CTNNA2: variants seen among roughly 807,000 people sequenced by gnomAD.
CTNNA2 encodes catenin alpha 2.
Under a neutral mutation model 101.0 loss-of-function variants are expected in CTNNA2, and 42 were observed. The observed-to-expected ratio is 0.42, with a 90% CI of 0.32 to 0.54. The LOEUF is 0.54. Ranked by LOEUF, CTNNA2 falls within the 20% of genes least tolerant of loss-of-function variation. CTNNA2 has a pLI of 0.14. For missense variants in CTNNA2, 871 were observed against 1,223.1 expected (o/e 0.71, Z 4.29); for synonymous variants, 450 against 456.4 (o/e 0.99, Z 0.18).
chr2:80,145,674 A>C (rs1207630509), intron 7 of CTNNA2, among the ~76,000 whole-genome samples: 1 of 152,234 alleles, frequency 6.6e-6, no homozygotes, highest in African/African-American at 2.4e-5. Context: ...ATCTTGTTTC[A>C]GAAGCCCTGG....
intron 4 of CTNNA2, among the ~76,000 whole-genome samples, chr2:79,861,852 A>G (rs143865689): frequency 3.8e-4 from 58 of 152,348 alleles, no homozygotes; most frequent in African/African-American, 1.4e-3. Flanking sequence ...TTTACATTTC[A>G]GACACCATTT....
chr2:79,535,610 A>T lies in CTNNA2; in HGVS notation c.-6+22403A>T, dbSNP rs539113408. On this transcript the variant is annotated intron_variant, in intron 1 of 18. Transcript: ENST00000402739. ...ATGCCCTTCAAAATCATTTATTCTTATATTTGTCCTTACTATCCCATTGGA... is the reference window on the plus strand; with the variant it reads ...ATGCCCTTCAAAATCATTTATTCTTTTATTTGTCCTTACTATCCCATTGGA... Among the ~76,000 whole-genome samples, 44 of 152,260 alleles carry T rather than the reference A, an allele frequency of 2.9e-4. 1 individual carries two copies. Among genetic ancestry groups the T allele is most frequent in the African/African-American group, 1.0e-3 (43 of 41,570 alleles).
chr2:80,583,988 G>A (rs1695757851), intron 14 of CTNNA2, among the ~76,000 whole-genome samples: 1 of 152,128 alleles, frequency 6.6e-6, no homozygotes, highest in South Asian at 2.1e-4. Flanking sequence ...AGTTGCAGCA[G>A]ACAGCATTAC....
rs1216635447 is a variant in CTNNA2 at position 79,541,190 on chromosome 2, A to G, written c.-6+27983A>G. 2.1e-5 allele frequency among the ~76,000 whole-genome samples: 3 copies of G among 141,222 alleles called. No individual in the cohort carries two copies. In the East Asian group the frequency reaches 6.2e-4, roughly 29 times the overall value. The allele number at this position is 141,222 out of a possible 152,430, so 92.6% of individuals were successfully genotyped here. ...ATAAGTATAAACATATATATTACAC[A>G]TATATATGAGTTTGTGTGTATATAT... is the stretch of plus-strand genomic sequence containing the variant. On this transcript the variant is annotated intron_variant, in intron 1 of 18. Transcript: ENST00000402739.
At chr2:79,620,668 G>A (rs757222004) in intron 1 of CTNNA2, among the ~76,000 whole-genome samples, 1 of 152,162 alleles carries the variant, frequency 6.6e-6, no homozygotes, top group Non-Finnish European at 1.5e-5. Flanking sequence ...CTGGCTAAGG[G>A]AGGTTCTGTT....
intron 2 of CTNNA2, among the ~76,000 whole-genome samples, chr2:79,667,702 T>C (rs1314508706): frequency 3.3e-5 from 5 of 152,246 alleles, no homozygotes; most frequent in Admixed American, 6.5e-5. Context: ...CTTTGTATGC[T>C]AATAGCAGGT....
At chr2:79,908,148 G>T (rs1227128392) in intron 6 of CTNNA2, among the ~76,000 whole-genome samples, 1 of 152,090 alleles carries the variant, frequency 6.6e-6, no homozygotes, top group Non-Finnish European at 1.5e-5. Flanking sequence ...ATCCATAAAA[G>T]CATCTTTTAT....
At chr2:79,734,575 G>C (rs1222410083) in intron 2 of CTNNA2, among the ~76,000 whole-genome samples, 1 of 152,006 alleles carries the variant, frequency 6.6e-6, no homozygotes, top group East Asian at 1.9e-4. Context: ...AAAGGTTTCA[G>C]GAAACTTTAA....
chr2:80,045,962 T>C (rs180847114), intron 7 of CTNNA2, among the ~76,000 whole-genome samples: 3 of 152,262 alleles, frequency 2.0e-5, no homozygotes, highest in Admixed American at 6.5e-5. Flanking sequence ...TCCCGAAAAG[T>C]GAGAGTAGAT....
chr2:79,695,514 A>G (rs1426826760), intron 2 of CTNNA2, among the ~76,000 whole-genome samples: 3 of 152,026 alleles, frequency 2.0e-5, no homozygotes, highest in Non-Finnish European at 4.4e-5. Context: ...GAAAATGCAC[A>G]TGAGCAATTC....
intron 7 of CTNNA2, among the ~76,000 whole-genome samples, chr2:80,384,290 G>A (rs577328260): frequency 3.0e-4 from 45 of 152,004 alleles, no homozygotes; most frequent in African/African-American, 1.1e-3. Flanking sequence ...GCACTGTTTG[G>A]CACACTACCT....
At chr2:80,495,038 T>C (rs1035127332) in intron 9 of CTNNA2, among the ~76,000 whole-genome samples, 1 of 152,182 alleles carries the variant, frequency 6.6e-6, no homozygotes, top group Non-Finnish European at 1.5e-5. Context: ...TTCTACGTGA[T>C]GTTTGGCACC....
At chr2:79,933,458 C>CTTT (rs371498775) in intron 7 of CTNNA2, among the ~76,000 whole-genome samples, 1 of 143,746 alleles carries the variant, frequency 7.0e-6, no homozygotes, top group Non-Finnish European at 1.5e-5. Context: ...CTGGTATTCT[C>CTTT]TTTTTTTTTT....
At chr2:80,107,704 G>A (rs1029224074) in intron 7 of CTNNA2, among the ~76,000 whole-genome samples, 3 of 152,230 alleles carry the variant, frequency 2.0e-5, no homozygotes, top group African/African-American at 7.2e-5. Context: ...CCCACCGGAT[G>A]AGGCAAGGGC....
chr2:80,609,796 G>T, intron 17 of CTNNA2, among the ~76,000 whole-genome samples: 1 of 151,636 alleles, frequency 6.6e-6, no homozygotes, highest in East Asian at 2.0e-4. Flanking sequence ...CATCTTTGTG[G>T]ATCTCAGACT....
intron 1 of CTNNA2, among the ~76,000 whole-genome samples, chr2:79,602,970 A>G (rs1677646864): frequency 6.6e-6 from 1 of 152,184 alleles, no homozygotes; most frequent in Non-Finnish European, 1.5e-5. Context: ...TGAAGTTCAC[A>G]TATTAGTCAA....
At chr2:79,776,895 C>T (rs1293650719) in intron 3 of CTNNA2, 1 of 152,188 alleles carries the variant, frequency 6.6e-6, no homozygotes, top group Non-Finnish European at 1.5e-5. Flanking sequence ...TTCTGAGGAG[C>T]TGAGAGCATC....
At chr2:80,490,910 G>C (rs572073502) in intron 9 of CTNNA2, among the ~76,000 whole-genome samples, 3 of 152,212 alleles carry the variant, frequency 2.0e-5, no homozygotes, top group African/African-American at 7.2e-5. Flanking sequence ...CGTATGAACT[G>C]CCATTAAAGA....
chr2:80,126,613 TCCCTCCCTCCCTCCCTCCCTC>T (rs1702129991), intron 7 of CTNNA2, among the ~76,000 whole-genome samples: 2 of 31,278 alleles, frequency 6.4e-5, no homozygotes, highest in Non-Finnish European at 1.1e-4. Context: ...CCTCCCTCCC[TCCCTCCCTCCCTCCCTCCCTC>T]CCTTCCTTCC....
Sources: gnomAD v4.1 joint callset for allele counts (sites outside exome capture counted in the v4.1 genomes callset) on GRCh38, gnomAD v4.1.1 for gene constraint, MANE v1.5 for transcripts, NCBI Gene and HGNC (gene_info 2026-07-23, HGNC 2026-07-21) for gene names.